The following RAD51B variants were observed in gnomAD, a reference collection of about 807,000 sequenced individuals.
RAD51B encodes RAD51 paralog B, also known as DNA repair protein RAD51 homolog 2.
A neutral mutation model predicts 42.2 loss-of-function variants in RAD51B; 38 were observed. The ratio of observed to expected loss-of-function variants is 0.90; its 90% CI spans 0.70 to 1.18. The LOEUF (loss-of-function observed/expected upper bound fraction) is 1.18, where lower values mean the gene tolerates loss of function less well. Among genes scored for constraint, RAD51B ranks in the 50% most tolerant of loss-of-function variants. The pLI, the probability that RAD51B is intolerant of heterozygous loss-of-function variation, is 0.00. For synonymous variants in RAD51B, 154 were observed against 145.2 expected (o/e 1.06, Z -0.43); for missense variants, 373 against 400.7 (o/e 0.93, Z 0.59).
intron 9 of RAD51B, among the ~76,000 whole-genome samples, chr14:68,434,119 G>A (rs2085085577): frequency 6.6e-6 from 1 of 152,174 alleles, no homozygotes; most frequent in African/African-American, 2.4e-5. Context: ...GTCTCACAGG[G>A]GTACCTGGCC....
intron 7 of RAD51B, among the ~76,000 whole-genome samples, chr14:67,974,730 G>A (rs1405284536): frequency 1.3e-5 from 2 of 152,004 alleles, no homozygotes; most frequent in Non-Finnish European, 2.9e-5. Context: ...AATTTGAGGT[G>A]TTTATCAGTT....
chr14:67,821,544 ACCT>A (rs2040628299), intron 1 of RAD51B, among the ~76,000 whole-genome samples: 1 of 151,988 alleles, frequency 6.6e-6, no homozygotes, highest in South Asian at 2.1e-4. Flanking sequence ...TGCAGGCTCG[ACCT>A]CCTGGGCTCA....
intron 7 of RAD51B, among the ~76,000 whole-genome samples, chr14:68,224,481 T>C (rs1202827938): frequency 6.6e-6 from 1 of 152,162 alleles, no homozygotes; most frequent in African/African-American, 2.4e-5. Context: ...TTTCTTAATA[T>C]TCAACTTAAA....
chr14:68,305,027 A>C (rs73272216), intron 8 of RAD51B, among the ~76,000 whole-genome samples: 4,514 of 152,342 alleles, frequency 0.03, 235 homozygotes, highest in African/African-American at 0.1. Context: ...CAAAAACTAT[A>C]GTGCTACTAT....
intron 7 of RAD51B, among the ~76,000 whole-genome samples, chr14:67,929,672 T>C (rs991471274): frequency 2.0e-5 from 3 of 152,200 alleles, no homozygotes; most frequent in African/African-American, 7.2e-5. Flanking sequence ...GAGATTGGGA[T>C]GTTGAAGTAC....
intron 7 of RAD51B, among the ~76,000 whole-genome samples, chr14:68,151,553 A>G (rs772299832): frequency 5.9e-5 from 9 of 151,976 alleles, no homozygotes; most frequent in Admixed American, 3.9e-4. Context: ...TATAAAGCTA[A>G]CTGAAATTGT....
At chr14:68,626,857 A>T (rs555846982) in intron 10 of RAD51B, among the ~76,000 whole-genome samples, 7 of 152,188 alleles carry the variant, frequency 4.6e-5, no homozygotes, top group Admixed American at 1.3e-4. Flanking sequence ...GGAAAGAACT[A>T]AAGGCTGCCA....
chr14:68,369,370 G>A (rs181385976), intron 8 of RAD51B, among the ~76,000 whole-genome samples: 11 of 152,248 alleles, frequency 7.2e-5, no homozygotes, highest in Non-Finnish European at 1.5e-4. Context: ...CACAGATTGC[G>A]TCCACTGAGT....
intron 7 of RAD51B, among the ~76,000 whole-genome samples, chr14:67,888,557 C>T (rs969830096): frequency 6.6e-6 from 1 of 152,004 alleles, no homozygotes; most frequent in Non-Finnish European, 1.5e-5. Context: ...CATGTCACTG[C>T]ACTTCAGCCT....
At chr14:68,388,625 A>G (rs1468893707) in intron 8 of RAD51B, among the ~76,000 whole-genome samples, 12 of 152,210 alleles carry the variant, frequency 7.9e-5, no homozygotes, top group Admixed American at 7.9e-4. Context: ...AAGTGAATGT[A>G]TATATTCACT....
intron 9 of RAD51B, among the ~76,000 whole-genome samples, chr14:68,428,982 A>AC (rs1258639961): frequency 7.1e-6 from 1 of 141,160 alleles, no homozygotes; most frequent in Non-Finnish European, 1.5e-5. Flanking sequence ...TTCAATTCCC[A>AC]CTATGAGTGA....
intron 10 of RAD51B, among the ~76,000 whole-genome samples, chr14:68,571,721 G>A (rs1207341370): frequency 1.3e-5 from 2 of 152,288 alleles, no homozygotes; most frequent in East Asian, 1.9e-4. Flanking sequence ...TTGAGGGGCC[G>A]TTATTCTCCC....
Position 68,064,751 on chromosome 14 carries a change from T to G in RAD51B, c.756+177547T>G, listed in dbSNP as rs77153747. Reference sequence around the variant, plus strand: ...TCTTTTTTCTGCTTTATCTAATCTGTTATTGAGATTTTTCTGTTCTATTTT... The same window carrying G: ...TCTTTTTTCTGCTTTATCTAATCTGGTATTGAGATTTTTCTGTTCTATTTT... On this transcript the variant is annotated intron_variant, in intron 7 of 10. Transcript: ENST00000471583. Among the ~76,000 whole-genome samples the G allele has an allele frequency of 5.1e-3, 782 of 152,204 alleles. 7 individuals carry two copies. The highest frequency in any genetic ancestry group is 0.018 in the African/African-American group (728 of 41,558).
chr14:68,261,312 T>TGTG (rs939937292), intron 7 of RAD51B, among the ~76,000 whole-genome samples: 17 of 152,364 alleles, frequency 1.1e-4, no homozygotes, highest in South Asian at 2.1e-4. Flanking sequence ...CTTTTCCTTT[T>TGTG]GTGGTGATTG....
intron 7 of RAD51B, among the ~76,000 whole-genome samples, chr14:68,273,308 T>G (rs1373036218): frequency 1.3e-5 from 2 of 152,184 alleles, no homozygotes; most frequent in African/African-American, 4.8e-5. Context: ...GATCAGCTTT[T>G]GGCCAAAAGC....
At position 68,091,423 on chromosome 14, in the gene RAD51B, G is replaced by T. The variant is rs562373880; in HGVS notation, c.757-200461G>T. Among the ~76,000 whole-genome samples the T allele has an allele frequency of 1.5e-3, 226 of 152,188 alleles. 1 individual carries two copies. Among genetic ancestry groups the T allele is most frequent in the African/African-American group, 5.2e-3 (218 of 41,524 alleles). On this transcript the variant is annotated intron_variant, in intron 7 of 10. Coordinates refer to ENST00000471583, the MANE Select transcript of RAD51B (RefSeq NM_133510.4). ...CTGGTGTGAGATGGTATCTCATTGT[G>T]GTTTTGATTTGTATTTCTCTGATGG... is the stretch of plus-strand genomic sequence containing the variant.
At chr14:68,562,746 A>C in intron 10 of RAD51B, 1 of 985,094 alleles carries the variant, frequency 1.0e-6, no homozygotes, top group Non-Finnish European at 1.2e-6. Context: ...TGGTGCCCTC[A>C]TCACCAGGGC....
chr14:68,006,283 A>G (rs1403877287), intron 7 of RAD51B, among the ~76,000 whole-genome samples: 1 of 152,168 alleles, frequency 6.6e-6, no homozygotes, highest in Admixed American at 6.5e-5. Context: ...GATTTTATGT[A>G]CTACAACTAG....
chr14:68,364,400 G>A (rs1013076753), intron 8 of RAD51B, among the ~76,000 whole-genome samples: 2 of 152,174 alleles, frequency 1.3e-5, no homozygotes, highest in African/African-American at 4.8e-5. Flanking sequence ...TCTAAGGAGC[G>A]GGAGCCTAAT....
Sources: allele counts gnomAD v4.1 joint callset (sites outside exome capture counted in the v4.1 genomes callset), GRCh38; gene constraint gnomAD v4.1.1; transcripts MANE v1.5; gene names NCBI Gene and HGNC (gene_info 2026-07-23, HGNC 2026-07-21).